RUNX1T1: variants seen among roughly 807,000 people sequenced by gnomAD.
RUNX1T1 encodes the protein protein CBFA2T1.
A neutral mutation model predicts 62.8 loss-of-function variants in RUNX1T1; 4 were observed. The ratio of observed to expected loss-of-function variants is 0.06; its 90% CI spans 0.03 to 0.15. RUNX1T1 has a LOEUF of 0.15. Among genes scored for constraint, RUNX1T1 ranks in the 10% least tolerant of loss-of-function variants. RUNX1T1 has a pLI of 1.00. For synonymous variants in RUNX1T1, 291 were observed against 286.0 expected (o/e 1.02, Z -0.18); for missense variants, 508 against 754.3 (o/e 0.67, Z 3.82).
intron 1 of RUNX1T1, among the ~76,000 whole-genome samples, chr8:92,023,146 C>T (rs1006059631): frequency 1.3e-5 from 2 of 152,162 alleles, no homozygotes; most frequent in African/African-American, 4.8e-5. Context: ...TCCTCACTTT[C>T]TAAACAGGGA....
downstream of RUNX1T1, chr8:91,956,339 C>T (rs568834901): frequency 4.3e-6 from 1 of 230,786 alleles, no homozygotes; most frequent in Admixed American, 5.6e-5. Flanking sequence ...TCATTCCCTA[C>T]TCAACACGCA....
At chr8:91,975,347 T>G (rs563655923) in intron 9 of RUNX1T1, among the ~76,000 whole-genome samples, 1 of 152,326 alleles carries the variant, frequency 6.6e-6, no homozygotes, top group South Asian at 2.1e-4. Flanking sequence ...GTTTAGTAAC[T>G]TTGTCATTTC....
At chr8:91,999,051 C>T (rs1819264263) in intron 5 of RUNX1T1, among the ~76,000 whole-genome samples, 1 of 152,144 alleles carries the variant, frequency 6.6e-6, no homozygotes, top group Non-Finnish European at 1.5e-5. Flanking sequence ...AATGCACTAT[C>T]CTGCACTTCA....
intron 4 of RUNX1T1, chr8:92,005,761 CAGAAAA>C (rs1389073645): frequency 2.0e-5 from 3 of 152,800 alleles, no homozygotes; most frequent in African/African-American, 7.2e-5. Context: ...AGGCTAATCC[CAGAAAA>C]TATCTTTTGT....
intron 8 of RUNX1T1, among the ~76,000 whole-genome samples, chr8:91,984,362 G>A (rs1028648731): frequency 2.6e-5 from 4 of 152,090 alleles, no homozygotes; most frequent in Non-Finnish European, 5.9e-5. Context: ...GATCAATTTC[G>A]GAGATGTTTC....
chr8:91,972,170 G>C (rs966061280), intron 9 of RUNX1T1, among the ~76,000 whole-genome samples: 1 of 152,020 alleles, frequency 6.6e-6, no homozygotes, highest in African/African-American at 2.4e-5. Flanking sequence ...TTTTACTGTA[G>C]ATTAAAAATG....
chr8:92,070,528 C>A (rs991515188), intron 2 of RUNX1T1, among the ~76,000 whole-genome samples: 1 of 152,054 alleles, frequency 6.6e-6, no homozygotes, highest in Non-Finnish European at 1.5e-5. Context: ...CATCACAAGG[C>A]GCACCAGGCT....
At chr8:91,969,696 T>C (rs1812374842) in intron 10 of RUNX1T1, among the ~76,000 whole-genome samples, 2 of 152,186 alleles carry the variant, frequency 1.3e-5, no homozygotes, top group African/African-American at 4.8e-5. Flanking sequence ...ATAGAAACTC[T>C]GGGCATTGAG....
chr8:91,991,524 T>A, intron 6 of RUNX1T1, 115 bp downstream of exon 7: 1 of 1,127,772 alleles, frequency 8.9e-7, no homozygotes, highest in Non-Finnish European at 1.3e-6. Flanking sequence ...TAAAGCAAGA[T>A]ATGAGAATCT....
At chr8:92,004,918 C>T (rs1214682283) in intron 5 of RUNX1T1, 198 bp downstream of exon 6, 3 of 498,960 alleles carry the variant, frequency 6.0e-6, no homozygotes, top group African/African-American at 2.0e-5. Context: ...TACACAAAAG[C>T]CAAACTGTCC....
At chr8:92,060,547 A>G (rs1206234265) in intron 1 of RUNX1T1, among the ~76,000 whole-genome samples, 1,982 of 102,640 alleles carry the variant, frequency 0.019, 57 homozygotes, top group African/African-American at 0.066. Context: ...ATATATATAT[A>G]TATATATGTG....
chr8:92,007,287 G>A (rs1328038685), intron 4 of RUNX1T1, among the ~76,000 whole-genome samples: 1 of 152,062 alleles, frequency 6.6e-6, no homozygotes, highest in Non-Finnish European at 1.5e-5. Context: ...CCAACATGGT[G>A]AAACCCCATT....
chr8:92,005,098 G>C lies in RUNX1T1; in HGVS notation c.659+18C>G. 6.3e-7 allele frequency: 1 copy of C among 1,581,912 alleles called. No homozygotes were observed. Among genetic ancestry groups the C allele is most frequent in the Non-Finnish European group, 8.6e-7 (1 of 1,166,154 alleles). ...GGGAAAAAGGTCATGGTTCATCCAG[G>C]CTCCTCCTCCCTCTCACCTGTCTGG... On this transcript the variant is annotated intron_variant, in intron 5 of 10. Coordinates refer to ENST00000396218, the Ensembl canonical transcript of RUNX1T1.
At chr8:92,082,599 G>C (rs1481671283) in intron 1 of RUNX1T1, among the ~76,000 whole-genome samples, 2 of 152,132 alleles carry the variant, frequency 1.3e-5, no homozygotes, top group African/African-American at 4.8e-5. Context: ...CTGCACTGCC[G>C]AAACTGTCTC....
At chr8:91,995,512 G>T (rs1376717598) in intron 5 of RUNX1T1, among the ~76,000 whole-genome samples, 1 of 152,194 alleles carries the variant, frequency 6.6e-6, no homozygotes, top group East Asian at 1.9e-4. Context: ...ACTTGCAGGG[G>T]TGTAGTGACT....
intron 1 of RUNX1T1, among the ~76,000 whole-genome samples, chr8:92,083,895 T>C (rs564637487): frequency 2.6e-5 from 4 of 152,206 alleles, no homozygotes; most frequent in Admixed American, 2.6e-4. Context: ...GTGGCACATA[T>C]CCACCATGGA....
At chr8:92,068,804 C>A (rs1245569675) in intron 2 of RUNX1T1, among the ~76,000 whole-genome samples, 4 of 152,088 alleles carry the variant, frequency 2.6e-5, no homozygotes. Flanking sequence ...CAGCAAACAA[C>A]AGATCTTACC....
chr8:92,042,889 T>G (rs1413455718), intron 1 of RUNX1T1, among the ~76,000 whole-genome samples: 3 of 152,206 alleles, frequency 2.0e-5, no homozygotes, highest in Non-Finnish European at 4.4e-5. Context: ...ATTATTTTAG[T>G]GCCCTGAGCT....
At chr8:92,017,055 T>A (rs565301956) in intron 2 of RUNX1T1, among the ~76,000 whole-genome samples, 171 bp downstream of exon 3, 1 of 152,234 alleles carries the variant, frequency 6.6e-6, no homozygotes, top group Non-Finnish European at 1.5e-5. Context: ...ACCTAAGCTA[T>A]GATACTTCTG....
Sources: allele counts gnomAD v4.1 joint callset (sites outside exome capture counted in the v4.1 genomes callset), GRCh38; gene constraint gnomAD v4.1.1; transcripts MANE v1.5; gene names NCBI Gene and HGNC (gene_info 2026-07-23, HGNC 2026-07-21).